The following KLF12 variants were observed in gnomAD, a reference collection of about 807,000 sequenced individuals.
KLF12 encodes the protein KLF transcription factor 12.
A neutral mutation model predicts 37.8 loss-of-function variants in KLF12; 9 were observed. The ratio of observed to expected loss-of-function variants is 0.24; its 90% CI spans 0.14 to 0.42. The LOEUF (loss-of-function observed/expected upper bound fraction) is 0.42. KLF12 is among the 10% of genes least tolerant of loss of function. KLF12 has a pLI of 1.00. For synonymous variants in KLF12, 208 were observed against 202.1 expected (o/e 1.03, Z -0.25); for missense variants, 411 against 516.0 (o/e 0.80, Z 1.97).
At chr13:73,913,238 G>A (rs74956668) in intron 3 of KLF12, among the ~76,000 whole-genome samples, 8,911 of 152,104 alleles carry the variant, frequency 0.059, 664 homozygotes, top group African/African-American at 0.17. Flanking sequence ...GTCTAGTCTC[G>A]CCTCTCCTTA....
intron 7 of KLF12, among the ~76,000 whole-genome samples, chr13:73,707,063 G>A (rs1370941638): frequency 6.6e-6 from 1 of 152,160 alleles, no homozygotes; most frequent in East Asian, 1.9e-4. Context: ...GGTAGGTACT[G>A]CTGGGTAGAC....
At chr13:73,843,815 A>C (rs369924688) in intron 4 of KLF12, among the ~76,000 whole-genome samples, 161 of 152,312 alleles carry the variant, frequency 1.1e-3, no homozygotes, top group African/African-American at 3.6e-3. Context: ...TGCAGGGTTT[A>C]TACTTAAATT....
intron 3 of KLF12, among the ~76,000 whole-genome samples, chr13:73,933,813 CA>C: frequency 6.6e-6 from 1 of 151,954 alleles, no homozygotes; most frequent in East Asian, 1.9e-4. Flanking sequence ...CCCTCTGGTT[CA>C]AAAAATGTTT....
At chr13:73,734,092 T>C (rs7328913) in intron 6 of KLF12, among the ~76,000 whole-genome samples, 114,532 of 152,074 alleles carry the variant, frequency 0.75, 43,283 homozygotes, top group Middle Eastern at 0.9. Flanking sequence ...TCACTCTTGC[T>C]ATTCTTCTGC....
At chr13:73,943,040 A>G (rs1259391789) in intron 3 of KLF12, among the ~76,000 whole-genome samples, 1 of 152,134 alleles carries the variant, frequency 6.6e-6, no homozygotes, top group African/African-American at 2.4e-5. Context: ...TCCCGGATGT[A>G]CTCATCCACA....
the KLF12 span, among the ~76,000 whole-genome samples, chr13:74,243,071 G>A: frequency 1.3e-5 from 2 of 152,098 alleles, no homozygotes; most frequent in African/African-American, 4.8e-5. Flanking sequence ...AGCCCTGTAG[G>A]CATTAGATAT....
the KLF12 span, among the ~76,000 whole-genome samples, chr13:74,239,810 A>C: frequency 6.6e-6 from 1 of 151,348 alleles, no homozygotes. Context: ...ATCTTCCTCC[A>C]TCCTTTTATT....
chr13:74,030,922 A>G (rs1893096413), intron 1 of KLF12, among the ~76,000 whole-genome samples: 1 of 152,116 alleles, frequency 6.6e-6, no homozygotes, highest in African/African-American at 2.4e-5. Context: ...CTCTAATCCT[A>G]AACTTCATTT....
chr13:73,863,903 T>C (rs200193611), intron 3 of KLF12, among the ~76,000 whole-genome samples: 2 of 152,202 alleles, frequency 1.3e-5, no homozygotes, highest in East Asian at 3.8e-4. Flanking sequence ...CTGAGTGTTA[T>C]AAAGACTATA....
intron 1 of KLF12, among the ~76,000 whole-genome samples, chr13:74,107,943 T>C (rs1045726718): frequency 2.6e-5 from 4 of 152,222 alleles, no homozygotes; most frequent in Admixed American, 1.3e-4. Flanking sequence ...AGACAATTTG[T>C]CTTAGTAACA....
intron 3 of KLF12, among the ~76,000 whole-genome samples, chr13:73,847,854 G>A (rs916576461): frequency 6.6e-6 from 1 of 152,078 alleles, no homozygotes; most frequent in African/African-American, 2.4e-5. Context: ...AAATTGAACT[G>A]CTTTGATAAA....
At chr13:74,007,197 G>T (rs1892429686) in intron 1 of KLF12, among the ~76,000 whole-genome samples, 1 of 151,526 alleles carries the variant, frequency 6.6e-6, no homozygotes, top group South Asian at 2.1e-4. Flanking sequence ...TCTACTGTAG[G>T]CATCACATTT....
chr13:74,148,055 G>A, the KLF12 span, among the ~76,000 whole-genome samples: 1 of 151,846 alleles, frequency 6.6e-6, no homozygotes, highest in East Asian at 1.9e-4. Context: ...GGGATTACAG[G>A]CATGTACCAC....
chr13:74,277,774 C>A, the KLF12 span, among the ~76,000 whole-genome samples: 7 of 152,220 alleles, frequency 4.6e-5, no homozygotes, highest in Admixed American at 3.9e-4. Context: ...ATTAGAATGT[C>A]CTGTCCCATG....
chr13:74,230,075 C>A, the KLF12 span, among the ~76,000 whole-genome samples: 4 of 152,056 alleles, frequency 2.6e-5, no homozygotes, highest in Non-Finnish European at 5.9e-5. Context: ...GTGTCCCCAC[C>A]CAAATCTCAT....
the KLF12 span, among the ~76,000 whole-genome samples, chr13:74,293,191 T>C: frequency 6.6e-6 from 1 of 152,214 alleles, no homozygotes; most frequent in East Asian, 1.9e-4. Flanking sequence ...GTTTTAGTAT[T>C]CTTTACCCAA....
the KLF12 span, among the ~76,000 whole-genome samples, chr13:74,253,813 A>T: frequency 6.6e-6 from 1 of 152,210 alleles, no homozygotes; most frequent in Non-Finnish European, 1.5e-5. Flanking sequence ...GCAAAAGCCC[A>T]GCCTATATAA....
chr13:74,049,297 G>C (rs945767575), intron 1 of KLF12, among the ~76,000 whole-genome samples: 1 of 152,152 alleles, frequency 6.6e-6, no homozygotes, highest in Non-Finnish European at 1.5e-5. Context: ...CTGGCAGCCT[G>C]GTCTACAATG....
intron 6 of KLF12, among the ~76,000 whole-genome samples, chr13:73,733,374 T>TA (rs1877214817): frequency 1.3e-5 from 2 of 152,176 alleles, no homozygotes; most frequent in South Asian, 4.1e-4. Context: ...TTGCCTACTT[T>TA]AGGTGCCTCA....
Sources: gnomAD v4.1 joint callset for allele counts (sites outside exome capture counted in the v4.1 genomes callset) on GRCh38, gnomAD v4.1.1 for gene constraint, MANE v1.5 for transcripts, NCBI Gene and HGNC (gene_info 2026-07-23, HGNC 2026-07-21) for gene names.